The following UROC1 variants were observed in gnomAD, a reference collection of about 807,000 sequenced individuals.
The protein encoded by UROC1 is urocanate hydratase 1.
In UROC1, 79 loss-of-function variants were observed where a neutral mutation model predicts 89.5. The ratio of observed to expected loss-of-function variants is 0.88; its 90% CI spans 0.74 to 1.06. The LOEUF is 1.06. UROC1 is among the 50% of genes least tolerant of loss of function. The pLI is 0.00. For missense variants in UROC1, 885 were observed against 907.8 expected, an observed-to-expected ratio of 0.97 and a Z score of 0.32; for synonymous variants, 361 against 354.8, an observed-to-expected ratio of 1.02 and a Z score of -0.20.
intron 15 of UROC1, 152 bp from the exon 16 acceptor site, chr3:126,492,668 A>G (rs1935682853): frequency 8.5e-6 from 6 of 706,648 alleles, no homozygotes; most frequent in South Asian, 3.0e-5. Context: ...CCCAGGGTGC[A>G]TGGTAGCTCT....
intron 18 of UROC1, among the ~76,000 whole-genome samples, chr3:126,484,716 A>G (rs1337124382): frequency 6.6e-6 from 1 of 152,104 alleles, no homozygotes; most frequent in Non-Finnish European, 1.5e-5. Context: ...TGTGCTGCCT[A>G]CCACCCTGCA....
intron 1 of UROC1, among the ~76,000 whole-genome samples, chr3:126,515,505 C>CT (rs1936284205): frequency 7.1e-6 from 1 of 139,998 alleles, no homozygotes; most frequent in South Asian, 2.4e-4. Flanking sequence ...CCCTTCCACT[C>CT]CCCAGTACCC....
In UROC1 at chr3:126,517,648, A is replaced by T; in HGVS notation, c.72T>A (p.Ala24=). 1.2e-6 allele frequency: 2 copies of T among 1,610,744 alleles called. No homozygotes were observed. Among genetic ancestry groups the T allele is most frequent in the Non-Finnish European group, 1.7e-6 (2 of 1,179,162 alleles). Residue 24 remains alanine, a synonymous_variant, in exon 1 of 20, where the codon GCT becomes GCA. Coordinates refer to ENST00000290868, the MANE Select transcript of UROC1 (RefSeq NM_144639.3). ...RPLPENRGRQ[A]GVPHAPVRTP... ...TCCTGACAGGGGCATGGGGCACCCC[A>T]GCCTGGCGTCCCCGGTTCTCTGGGA...
chr3:126,506,818 C>T (rs1227670160), intron 6 of UROC1, among the ~76,000 whole-genome samples: 2 of 152,208 alleles, frequency 1.3e-5, no homozygotes. Context: ...TGGCTCATGC[C>T]TGTAATCCCA....
chr3:126,501,893 G>C, intron 9 of UROC1: 5 of 1,599,416 alleles, frequency 3.1e-6, no homozygotes, highest in Non-Finnish European at 4.2e-6. Flanking sequence ...CACAGTCCCA[G>C]GGCAGCAGGG....
At chr3:126,501,850 A>G in intron 9 of UROC1, 1 of 1,599,450 alleles carries the variant, frequency 6.3e-7, no homozygotes, top group African/African-American at 1.3e-5. Flanking sequence ...CCCCTCCCCC[A>G]GGGGTGCAAG....
At position 126,482,302 on chromosome 3, in the gene UROC1, C is replaced by G; in HGVS notation, c.*43G>C. 1 of 1,607,758 alleles carries G rather than the reference C, an allele frequency of 6.2e-7. No individual in the cohort carries two copies. The highest frequency in any genetic ancestry group is 8.5e-7 in the Non-Finnish European group (1 of 1,176,908). Reference sequence around the variant, plus strand: ...GTGCCATGGCTGGGCAGGTGAGGATCGCCAGGGAGGAAGGGAGGCAGGGGC... The same window carrying G: ...GTGCCATGGCTGGGCAGGTGAGGATGGCCAGGGAGGAAGGGAGGCAGGGGC... On this transcript the variant is annotated 3_prime_UTR_variant, in exon 20 of 20. Transcript: ENST00000290868.
In UROC1 at chr3:126,509,627, G is replaced by A; in HGVS notation, c.309C>T (p.Ile103=). 6.4e-7 allele frequency: 1 copy of A among 1,552,140 alleles called. No individual in the cohort carries two copies. Among genetic ancestry groups the A allele is most frequent in the Non-Finnish European group, 8.7e-7 (1 of 1,147,224 alleles). The change falls in exon 3 of 20, where the codon ATC becomes ATT. Residue 103 remains isoleucine (I), a synonymous_variant. Coordinates refer to ENST00000290868, the MANE Select transcript of UROC1 (RefSeq NM_144639.3). ...CCAGGTTGTTCATAATCATGTGCATGATGGCGGCAGCCACTTTCGTCTGGC... is the reference window on the plus strand; with the variant it reads ...CCAGGTTGTTCATAATCATGTGCATAATGGCGGCAGCCACTTTCGTCTGGC... ...YPCQTKVAAA[I]MHMIMNNLDP...
At chr3:126,490,581 G>C (rs1026591368) in intron 16 of UROC1, among the ~76,000 whole-genome samples, 6 of 152,048 alleles carry the variant, frequency 3.9e-5, no homozygotes, top group African/African-American at 1.4e-4. Flanking sequence ...GCTCGTCGGG[G>C]AGCTGAGGCA....
At chr3:126,486,251 C>T (rs542469645) in intron 18 of UROC1, among the ~76,000 whole-genome samples, 3 of 152,352 alleles carry the variant, frequency 2.0e-5, no homozygotes, top group African/African-American at 7.2e-5. Flanking sequence ...TGGAACTGAC[C>T]CTCTCACATG....
At chr3:126,487,497 G>A (rs185829521) in intron 18 of UROC1, among the ~76,000 whole-genome samples, 3 of 152,208 alleles carry the variant, frequency 2.0e-5, no homozygotes, top group Non-Finnish European at 4.4e-5. Context: ...ATGCTCCACC[G>A]GGACTTGGCT....
At chr3:126,512,538 A>G (rs1936219079) in intron 1 of UROC1, among the ~76,000 whole-genome samples, 1 of 152,212 alleles carries the variant, frequency 6.6e-6, no homozygotes, top group Admixed American at 6.5e-5. Flanking sequence ...CAGCCTGGGT[A>G]ACATAGGGAG....
chr3:126,512,282 C>T (rs1275784159), intron 1 of UROC1, among the ~76,000 whole-genome samples: 7 of 152,238 alleles, frequency 4.6e-5, no homozygotes, highest in Admixed American at 4.6e-4. Flanking sequence ...TGAGCAGTGC[C>T]CACTGTTCCC....
chr3:126,482,227 C>T lies in UROC1; in HGVS notation c.*118G>A, dbSNP rs535764648. 350 of 1,471,806 alleles carry T rather than the reference C, an allele frequency of 2.4e-4. 3 individuals carry two copies. In the African/African-American group the frequency reaches 4.3e-3, roughly 18 times the overall value. The allele number at this position is 1,471,806 out of a possible 1,614,324, so 91.2% of individuals were successfully genotyped here. On this transcript the variant is annotated 3_prime_UTR_variant, in exon 20 of 20. Transcript: ENST00000290868. Reference sequence around the variant, plus strand: ...CCTGCACAGGGCACCATAAGGGCCACGTGAGGATGTGCGAGAAGTGCAGGT... The same window carrying T: ...CCTGCACAGGGCACCATAAGGGCCATGTGAGGATGTGCGAGAAGTGCAGGT...
chr3:126,486,508 G>A (rs1191490788), intron 18 of UROC1, among the ~76,000 whole-genome samples: 1 of 152,228 alleles, frequency 6.6e-6, no homozygotes, highest in Non-Finnish European at 1.5e-5. Flanking sequence ...GTGAGCGCTG[G>A]GCAGATGGCA....
chr3:126,511,902 T>G (rs1328132405), intron 1 of UROC1, among the ~76,000 whole-genome samples: 1 of 152,262 alleles, frequency 6.6e-6, no homozygotes, highest in East Asian at 1.9e-4. Context: ...TTCATGCTGA[T>G]TATTCTATAT....
At chr3:126,509,445 C>A (rs2107549191) in intron 3 of UROC1, 140 bp downstream of exon 3, 3 of 809,156 alleles carry the variant, frequency 3.7e-6, no homozygotes, top group East Asian at 2.7e-5. Flanking sequence ...GAGGGAAGGG[C>A]CAGGGACCTC....
intron 9 of UROC1, among the ~76,000 whole-genome samples, chr3:126,503,067 G>T (rs570712298): frequency 6.6e-6 from 1 of 152,146 alleles, no homozygotes; most frequent in Non-Finnish European, 1.5e-5. Context: ...ACACACTCAG[G>T]ATGCTAAACA....
At chr3:126,496,468 C>T (rs1029749601) in intron 14 of UROC1, among the ~76,000 whole-genome samples, 8 of 152,124 alleles carry the variant, frequency 5.3e-5, no homozygotes, top group South Asian at 2.1e-4. Flanking sequence ...ATGGTGGATG[C>T]GGGGGCTTTC....
Sources: allele counts gnomAD v4.1 joint callset (sites outside exome capture counted in the v4.1 genomes callset), GRCh38; gene constraint gnomAD v4.1.1; transcripts MANE v1.5; gene names NCBI Gene and HGNC (gene_info 2026-07-23, HGNC 2026-07-21).